Variants in L3HYPDH observed in about 807,000 individuals in gnomAD.
The protein encoded by L3HYPDH is trans-L-3-hydroxyproline dehydratase.
Under a neutral mutation model 26.5 loss-of-function variants are expected in L3HYPDH, and 32 were observed. The ratio of observed to expected loss-of-function variants is 1.21; its 90% CI spans 0.91 to 1.62. L3HYPDH has a LOEUF of 1.62. Among genes scored for constraint, L3HYPDH ranks in the 40% most tolerant of loss-of-function variants. The pLI is 0.00. For missense variants in L3HYPDH, 554 were observed against 476.4 expected (o/e 1.16, Z -1.52); for synonymous variants, 215 against 196.6 (o/e 1.09, Z -0.78).
the L3HYPDH span, among the ~76,000 whole-genome samples, chr14:59,497,646 G>A: frequency 1.3e-5 from 2 of 152,074 alleles, no homozygotes; most frequent in Non-Finnish European, 2.9e-5. Flanking sequence ...CTTTTTTAGA[G>A]CTCTTAAGGA....
At chr14:59,491,672 C>G in the L3HYPDH span, among the ~76,000 whole-genome samples, 1 of 152,214 alleles carries the variant, frequency 6.6e-6, no homozygotes, top group Admixed American at 6.5e-5. Context: ...GAAAGATAAA[C>G]TATGTGAGAC....
chr14:59,479,277 C>T lies in L3HYPDH; in HGVS notation c.583G>A (p.Val195Ile). 1.2e-6 allele frequency: 2 copies of T among 1,613,798 alleles called. No individual in the cohort carries two copies. The highest frequency in any genetic ancestry group is 1.7e-6 in the Non-Finnish European group (2 of 1,179,900). ...TCTAGTCCTAACTTTTCAGCAGTAA[C>T]AAATGCATAAAATGCACCGCCATAT... ...IAYGGAFYAF[V>I]TAEKLGLDIC... The change falls in exon 2 of 5, where the codon GTT becomes ATT. Residue 195 changes from valine (V) to isoleucine (I), a missense_variant. Physicochemically the swap from Val to Ile is conservative, Grantham distance 29 (BLOSUM62 3). Coordinates refer to ENST00000247194, the MANE Select transcript of L3HYPDH (RefSeq NM_144581.2).
the L3HYPDH span, among the ~76,000 whole-genome samples, chr14:59,498,032 A>G: frequency 1.6e-4 from 25 of 152,214 alleles, no homozygotes; most frequent in Non-Finnish European, 3.4e-4. Flanking sequence ...CTCTTTCTAC[A>G]GCTTTTTTTT....
downstream of L3HYPDH, among the ~76,000 whole-genome samples, chr14:59,472,305 G>C (rs1889334306): frequency 6.6e-6 from 1 of 152,110 alleles, no homozygotes; most frequent in South Asian, 2.1e-4. Context: ...TTTTAATAAT[G>C]CAATAAGCAA....
intron 1 of L3HYPDH, among the ~76,000 whole-genome samples, chr14:59,482,095 G>A (rs1890067486): frequency 1.3e-5 from 2 of 152,156 alleles, no homozygotes; most frequent in African/African-American, 4.8e-5. Flanking sequence ...AGAATACTGT[G>A]AACAAGAAAG....
upstream of L3HYPDH, chr14:59,484,710 C>T: frequency 1.5e-6 from 2 of 1,294,414 alleles, no homozygotes; most frequent in Non-Finnish European, 2.2e-6. Context: ...GCAGGCTCGC[C>T]CCTTGACCCC....
At chr14:59,479,927 A>G (rs952703116) in intron 1 of L3HYPDH, among the ~76,000 whole-genome samples, 10 of 152,214 alleles carry the variant, frequency 6.6e-5, no homozygotes, top group African/African-American at 2.4e-4. Context: ...CTACAGCATC[A>G]TTTTGCACCA....
At chr14:59,483,761 C>A (rs1298152390) in intron 1 of L3HYPDH, 48 bp downstream of exon 1, 2 of 1,573,676 alleles carry the variant, frequency 1.3e-6, no homozygotes, top group Non-Finnish European at 1.7e-6. Context: ...TAGTTAGTCG[C>A]GTCCCGGTTG....
chr14:59,478,930 A>C (rs1889824764), intron 2 of L3HYPDH: 1 of 359,264 alleles, frequency 2.8e-6, no homozygotes, highest in African/African-American at 2.1e-5. Flanking sequence ...AAATTGCAAA[A>C]AAACTCATAA....
the L3HYPDH span, among the ~76,000 whole-genome samples, chr14:59,494,679 ATAT>A: frequency 2.0e-5 from 3 of 152,208 alleles, no homozygotes; most frequent in African/African-American, 4.8e-5. Context: ...TGAGCTTATA[ATAT>A]TATAATTACT....
chr14:59,482,652 C>T (rs377554004), intron 1 of L3HYPDH, among the ~76,000 whole-genome samples: 1 of 152,214 alleles, frequency 6.6e-6, no homozygotes, highest in East Asian at 1.9e-4. Context: ...AAAATGGCAT[C>T]AATTTCTCCA....
chr14:59,479,975 A>G (rs752318755), intron 1 of L3HYPDH, among the ~76,000 whole-genome samples: 1 of 152,210 alleles, frequency 6.6e-6, no homozygotes, highest in South Asian at 2.1e-4. Flanking sequence ...CAACATCCCC[A>G]AAGTTTCACC....
chr14:59,481,968 G>A (rs1453194978), intron 1 of L3HYPDH, among the ~76,000 whole-genome samples: 2 of 152,196 alleles, frequency 1.3e-5, no homozygotes, highest in Non-Finnish European at 2.9e-5. Flanking sequence ...GTGGCAATAG[G>A]TTTCTCAAGA....
chr14:59,483,822 G>A lies in L3HYPDH; in HGVS notation c.495C>T (p.Phe165=). The change falls in exon 1 of 5, where the codon TTC becomes TTT. Residue 165 remains phenylalanine, a synonymous_variant. Coordinates refer to ENST00000247194, the MANE Select transcript of L3HYPDH (RefSeq NM_144581.2). ...CCCGCCCATTACCTGTGGCCAGCAC[G>A]AAGGCCGGGACGCTGTGGAAGCGCA... ...GPVRFHSVPA[F]VLATDLMVDV... The A allele has an allele frequency of 6.3e-7, 1 of 1,592,612 alleles. No homozygotes were observed. Among genetic ancestry groups the A allele is most frequent in the South Asian group, 1.1e-5 (1 of 89,578 alleles).
rs1199267260 is a variant in L3HYPDH at position 59,484,084 on chromosome 14, G to A, written c.233C>T (p.Ala78Val). 5.6e-6 allele frequency: 9 copies of A among 1,606,652 alleles called. No individual in the cohort carries two copies. The highest frequency in any genetic ancestry group is 5.9e-6 in the Non-Finnish European group (7 of 1,179,512). The change falls in exon 1 of 5, where the codon GCG becomes GTG. Residue 78 changes from alanine (A) to valine (V), a missense_variant. By Grantham distance (64) the Ala-to-Val change is moderately conservative. Transcript: ENST00000247194. ...EPRGHRDMYG[A>V]VLVPSELPDA... Reference sequence around the variant, plus strand: ...CGGCAGCTCGCTCGGGACTAGGACCGCCCCGTACATGTCCCGGTGCCCTCG... The same window carrying A: ...CGGCAGCTCGCTCGGGACTAGGACCACCCCGTACATGTCCCGGTGCCCTCG...
At chr14:59,486,658 A>AT (rs1486508315), upstream of L3HYPDH, 150 of 1,244,278 alleles carry the variant, frequency 1.2e-4, no homozygotes, top group Middle Eastern at 3.8e-4. Context: ...TATTATTGCA[A>AT]TTATTTTTTA....
At chr14:59,479,004 G>A (rs1021781034) in intron 2 of L3HYPDH, 178 bp downstream of exon 2, 4 of 481,190 alleles carry the variant, frequency 8.3e-6, no homozygotes, top group Non-Finnish European at 1.4e-5. Flanking sequence ...GGCTGCATGT[G>A]GCTCACAGGC....
intron 2 of L3HYPDH, among the ~76,000 whole-genome samples, chr14:59,478,045 T>C (rs1889760440): frequency 6.6e-6 from 1 of 152,166 alleles, no homozygotes; most frequent in African/African-American, 2.4e-5. Context: ...ATTTAAGTAG[T>C]TATTTGAGTA....
At chr14:59,500,372 G>A in the L3HYPDH span, among the ~76,000 whole-genome samples, 1 of 152,074 alleles carries the variant, frequency 6.6e-6, no homozygotes, top group African/African-American at 2.4e-5. Context: ...TACAAATAAT[G>A]TATGAAAAAA....
Sources: gnomAD v4.1 joint callset for allele counts (sites outside exome capture counted in the v4.1 genomes callset) on GRCh38, gnomAD v4.1.1 for gene constraint, MANE v1.5 for transcripts, NCBI Gene and HGNC (gene_info 2026-07-23, HGNC 2026-07-21) for gene names.